Variants in PPIL3 observed in about 807,000 individuals in gnomAD.
PPIL3 encodes peptidyl-prolyl cis-trans isomerase-like 3.
PPIL3 carries 13 observed loss-of-function variants against 20.9 expected under a neutral mutation model. That is an observed-to-expected ratio of 0.62 (90% CI 0.40 to 0.99). The LOEUF (loss-of-function observed/expected upper bound fraction) is 0.99, where lower values mean the gene tolerates loss of function less well. PPIL3 is among the 50% of genes least tolerant of loss of function. The probability of loss-of-function intolerance (pLI) is 0.00; values close to 1 mark genes in which losing one functional copy is unlikely to be tolerated. For missense variants in PPIL3, 170 were observed against 195.2 expected (o/e 0.87, Z 0.77); for synonymous variants, 71 against 64.4 (o/e 1.10, Z -0.49).
intron 3 of PPIL3, among the ~76,000 whole-genome samples, chr2:200,883,566 C>A (rs2039817402): frequency 6.6e-6 from 1 of 151,360 alleles, no homozygotes; most frequent in South Asian, 2.1e-4. Context: ...CCAGCCTGGG[C>A]AACATAGTAA....
At chr2:200,889,107 G>C (rs2040098740), upstream of PPIL3, 2 of 465,270 alleles carry the variant, frequency 4.3e-6, no homozygotes, top group South Asian at 3.1e-5. Flanking sequence ...GCCCCTTACC[G>C]CCTCACCTCC....
chr2:200,875,216 T>C (rs1439649142), intron 6 of PPIL3, among the ~76,000 whole-genome samples: 1 of 152,186 alleles, frequency 6.6e-6, no homozygotes, highest in African/African-American at 2.4e-5. Context: ...ATACATTTTC[T>C]ACCCTCCATT....
intron 5 of PPIL3, among the ~76,000 whole-genome samples, chr2:200,879,815 G>A (rs1303698424): frequency 1.3e-5 from 2 of 152,178 alleles, no homozygotes; most frequent in African/African-American, 4.8e-5. Flanking sequence ...AGGCAACAGA[G>A]TGAGACCCAG....
intron 3 of PPIL3, chr2:200,885,255 C>A: frequency 3.2e-6 from 1 of 310,708 alleles, no homozygotes. Context: ...CCTGTAATCC[C>A]ACTTACTCGG....
chr2:200,884,438 G>A (rs1035777247), intron 3 of PPIL3, among the ~76,000 whole-genome samples: 19 of 151,958 alleles, frequency 1.3e-4, no homozygotes, highest in East Asian at 1.9e-4. Context: ...ATAAACAGGC[G>A]AAATAATGTA....
intron 5 of PPIL3, among the ~76,000 whole-genome samples, chr2:200,879,174 A>G (rs2105770408): frequency 6.6e-6 from 1 of 151,980 alleles, no homozygotes; most frequent in East Asian, 1.9e-4. Context: ...ACTGGAGTGC[A>G]GCAGCACGAT....
intron 2 of PPIL3, among the ~76,000 whole-genome samples, chr2:200,886,237 C>T (rs547559326): frequency 5.7e-4 from 86 of 152,136 alleles, no homozygotes; most frequent in African/African-American, 2.0e-3. Flanking sequence ...AAAATAATTC[C>T]TTTCTCGACT....
chr2:200,873,995 G>A (rs13399578), intron 6 of PPIL3, among the ~76,000 whole-genome samples: 1 of 151,450 alleles, frequency 6.6e-6, no homozygotes, highest in African/African-American at 2.4e-5. Flanking sequence ...CACGAGGTCG[G>A]GAGATTGAGA....
At chr2:200,879,869 G>A (rs1051802896) in intron 5 of PPIL3, among the ~76,000 whole-genome samples, 20 of 152,154 alleles carry the variant, frequency 1.3e-4, no homozygotes, top group African/African-American at 4.8e-4. Context: ...TTCTGTCATA[G>A]CCAGTCTCTG....
At chr2:200,876,826 C>T (rs1184906233) in intron 6 of PPIL3, 93 bp downstream of exon 6, 7 of 1,023,308 alleles carry the variant, frequency 6.8e-6, no homozygotes, top group Non-Finnish European at 1.1e-5. Flanking sequence ...CTCGGCCTCA[C>T]TCTTTTCAAT....
At chr2:200,882,467 G>T in intron 3 of PPIL3, 32 bp from the exon 4 acceptor site, 1 of 1,337,798 alleles carries the variant, frequency 7.5e-7, no homozygotes. Context: ...GAGAAATGAT[G>T]CAGCAGAAAC....
intron 1 of PPIL3, 87 bp from the exon 2 acceptor site, chr2:200,887,772 C>G: frequency 1.9e-6 from 1 of 521,882 alleles, no homozygotes; most frequent in Non-Finnish European, 3.2e-6. Context: ...TAAATAAAAA[C>G]CTCGCCGGGC....
intron 6 of PPIL3, among the ~76,000 whole-genome samples, chr2:200,876,575 T>C (rs957947199): frequency 2.7e-5 from 4 of 150,736 alleles, no homozygotes; most frequent in Admixed American, 6.7e-5. Context: ...TGGAGTGCAA[T>C]GGCATGATCA....
At chr2:200,882,516 G>C (rs915097333) in intron 3 of PPIL3, 81 bp from the exon 4 acceptor site, 2 of 859,874 alleles carry the variant, frequency 2.3e-6, no homozygotes, top group Admixed American at 3.6e-5. Context: ...TACTGAAAAC[G>C]TGATAGCAGC....
At chr2:200,886,478 T>G (rs1257731170) in intron 2 of PPIL3, among the ~76,000 whole-genome samples, 1 of 151,522 alleles carries the variant, frequency 6.6e-6, no homozygotes, top group Non-Finnish European at 1.5e-5. Flanking sequence ...CACACTGGAG[T>G]GCAGTGGCGT....
chr2:200,889,089 G>A (rs867794793), upstream of PPIL3: 3 of 469,936 alleles, frequency 6.4e-6, no homozygotes, highest in South Asian at 3.1e-5. Context: ...GGACCCAAGA[G>A]AGAGAACGCC....
chr2:200,875,050 G>A (rs748598275), intron 6 of PPIL3, among the ~76,000 whole-genome samples: 5 of 152,184 alleles, frequency 3.3e-5, no homozygotes, highest in Middle Eastern at 3.4e-3. Context: ...TTTGTTGAAC[G>A]AACAGACAAA....
chr2:200,881,090 A>G (rs973596773), intron 5 of PPIL3, among the ~76,000 whole-genome samples: 2 of 152,154 alleles, frequency 1.3e-5, no homozygotes, highest in East Asian at 3.9e-4. Context: ...CCACTCTCAA[A>G]AAAGGCCACT....
chr2:200,888,354 T>G (rs990694726), intron 1 of PPIL3: 1 of 152,688 alleles, frequency 6.5e-6, no homozygotes, highest in African/African-American at 2.4e-5. Flanking sequence ...CAGAACTGCT[T>G]TAGCCCTTCA....
Sources: gnomAD v4.1 joint callset for allele counts (sites outside exome capture counted in the v4.1 genomes callset) on GRCh38, gnomAD v4.1.1 for gene constraint, MANE v1.5 for transcripts, NCBI Gene and HGNC (gene_info 2026-07-23, HGNC 2026-07-21) for gene names.